Variants in KIF3B observed in about 807,000 individuals in gnomAD.
KIF3B encodes the protein kinesin family member 3B, also known as kinesin-like protein KIF3B.
In KIF3B, 38 loss-of-function variants were observed where a neutral mutation model predicts 74.3. The ratio of observed to expected loss-of-function variants is 0.51; its 90% CI spans 0.39 to 0.67. The LOEUF is 0.67. Among genes scored for constraint, KIF3B ranks in the 30% least tolerant of loss-of-function variants. The probability of loss-of-function intolerance (pLI) is 0.00; values close to 1 mark genes in which losing one functional copy is unlikely to be tolerated. For missense variants in KIF3B, 649 were observed against 932.0 expected (o/e 0.70, Z 3.95); for synonymous variants, 326 against 342.5 (o/e 0.95, Z 0.53).
intron 5 of KIF3B, among the ~76,000 whole-genome samples, chr20:32,323,115 T>C (rs1396499555): frequency 8.0e-6 from 1 of 124,966 alleles, no homozygotes; most frequent in Non-Finnish European, 1.6e-5. Context: ...TATATATTTA[T>C]ATATTTATAT....
Position 32,330,337 on chromosome 20 carries a change from C to A in KIF3B, c.2147+18C>A. The A allele has an allele frequency of 6.2e-7, 1 of 1,609,582 alleles. No individual in the cohort carries two copies. Among genetic ancestry groups the A allele is most frequent in the East Asian group, 2.2e-5 (1 of 44,794 alleles). On this transcript the variant is annotated intron_variant, in intron 8 of 8. Coordinates refer to ENST00000375712, the MANE Select transcript of KIF3B (RefSeq NM_004798.4). ...AAGGCCAGGTGAGTGGCTTTGATGA[C>A]GTGTGTTTAAACAGAACATGTTTGA... is the stretch of plus-strand genomic sequence containing the variant.
At chr20:32,319,588 T>TG (rs2047848414) in intron 5 of KIF3B, among the ~76,000 whole-genome samples, 1 of 139,790 alleles carries the variant, frequency 7.2e-6, no homozygotes, top group African/African-American at 2.7e-5. Flanking sequence ...TTTTGTTTTT[T>TG]TTTTTTTTTT....
At chr20:32,319,066 T>A (rs2047843557) in intron 5 of KIF3B, among the ~76,000 whole-genome samples, 1 of 151,862 alleles carries the variant, frequency 6.6e-6, no homozygotes, top group Non-Finnish European at 1.5e-5. Context: ...GCTCAAGCGA[T>A]CCTCCCACCT....
Position 32,287,949 on chromosome 20 carries a change from C to G in KIF3B, c.-66+10184C>G, listed in dbSNP as rs1230316449. 3.3e-5 allele frequency among the ~76,000 whole-genome samples: 4 copies of G among 123,050 alleles called. No individual in the cohort carries two copies. In the East Asian group the frequency reaches 1.1e-3, roughly 35 times the overall value. 80.7% of individuals were successfully genotyped at this position (123,050 alleles called of 152,430 possible). A position where few individuals can be genotyped will look rare whatever the true frequency, so the allele number is the denominator to read the frequency against. On this transcript the variant is annotated intron_variant, in intron 1 of 8. Coordinates refer to ENST00000375712, the MANE Select transcript of KIF3B (RefSeq NM_004798.4). ...CTAGGCTGGAGTGCAGTGGTGCAGTCTCAGCTCACTGCAACCTCCGCCTCC... is the reference window on the plus strand; with the variant it reads ...CTAGGCTGGAGTGCAGTGGTGCAGTGTCAGCTCACTGCAACCTCCGCCTCC...
chr20:32,305,547 A>G (rs1417333323), intron 1 of KIF3B, among the ~76,000 whole-genome samples: 1 of 137,550 alleles, frequency 7.3e-6, no homozygotes, highest in African/African-American at 2.7e-5. Context: ...TTTTTACTTT[A>G]TAAAATTTTA....
At chr20:32,308,432 A>G (rs2047783130) in intron 1 of KIF3B, among the ~76,000 whole-genome samples, 1 of 152,120 alleles carries the variant, frequency 6.6e-6, no homozygotes, top group Non-Finnish European at 1.5e-5. Context: ...TTATTTTGAA[A>G]CAGAGTCTTG....
chr20:32,326,987 G>C (rs1600439963), intron 6 of KIF3B, 103 bp downstream of exon 6: 2 of 645,730 alleles, frequency 3.1e-6, no homozygotes, highest in East Asian at 5.2e-5. Flanking sequence ...TAAGAACACA[G>C]TTTGGCTTAT....
intron 2 of KIF3B, among the ~76,000 whole-genome samples, chr20:32,315,623 G>A (rs2047823096): frequency 6.6e-6 from 1 of 152,158 alleles, no homozygotes; most frequent in South Asian, 2.1e-4. Context: ...TGAGGTGGGA[G>A]GATTGCTTGA....
intron 7 of KIF3B, 65 bp from the exon 8 acceptor site, chr20:32,330,076 G>A (rs1338940474): frequency 1.4e-6 from 2 of 1,439,020 alleles, no homozygotes; most frequent in South Asian, 1.4e-5. Context: ...AGGGGCCCTC[G>A]ATTGCTTGTA....
chr20:32,321,969 A>C (rs891371371), intron 5 of KIF3B, among the ~76,000 whole-genome samples: 7 of 152,184 alleles, frequency 4.6e-5, no homozygotes, highest in African/African-American at 1.7e-4. Flanking sequence ...TTATTGGAGT[A>C]GTCTGGAACC....
chr20:32,298,337 T>C (rs1234280775), intron 1 of KIF3B, among the ~76,000 whole-genome samples: 2 of 148,816 alleles, frequency 1.3e-5, no homozygotes, highest in South Asian at 2.1e-4. Flanking sequence ...CTCAGGAGGC[T>C]GAGGCGGAAA....
intron 2 of KIF3B, among the ~76,000 whole-genome samples, chr20:32,312,666 T>TA (rs1163774338): frequency 1.3e-5 from 2 of 152,194 alleles, no homozygotes; most frequent in Non-Finnish European, 2.9e-5. Flanking sequence ...GGTTCACTCA[T>TA]TATTACTGTT....
chr20:32,326,800 TG>T lies in KIF3B; in HGVS notation c.1780del (p.Glu594LysfsTer7). 1 of 1,549,630 alleles carries T rather than the reference TG, an allele frequency of 6.5e-7. No homozygotes were observed. On this transcript the variant is annotated frameshift_variant, in exon 6 of 9. Coordinates refer to ENST00000375712, the MANE Select transcript of KIF3B (RefSeq NM_004798.4). LOFTEE classifies it high-confidence loss of function. ...KHLIIENFIP[L>X]EEKSKIMNRA... Reference sequence around the variant, plus strand: ...CTTATTATAGAAAACTTTATCCCTCTGGAAGAAAAAAGTAAAATTATGAATA... The same window carrying T: ...CTTATTATAGAAAACTTTATCCCTCTGAAGAAAAAAGTAAAATTATGAATA...
At chr20:32,287,986 G>A (rs1290029568) in intron 1 of KIF3B, among the ~76,000 whole-genome samples, 3 of 141,064 alleles carry the variant, frequency 2.1e-5, no homozygotes, top group African/African-American at 7.9e-5. Flanking sequence ...GGGTTCAAGT[G>A]ATTCTCCTGC....
intron 5 of KIF3B, among the ~76,000 whole-genome samples, chr20:32,322,072 A>G (rs2047862615): frequency 6.6e-6 from 1 of 152,182 alleles, no homozygotes; most frequent in African/African-American, 2.4e-5. Flanking sequence ...GATATTGATC[A>G]CATTGAATCT....
rs1349297960 is a variant in KIF3B at position 32,324,901 on chromosome 20, T to C, written c.1749-1870T>C. ...AAAAAATTAGCTGGGCATGGAGACA[T>C]GTGTCTATAGTCTCAGCTACTCCGG... On this transcript the variant is annotated intron_variant, in intron 5 of 8. Coordinates refer to ENST00000375712, the MANE Select transcript of KIF3B (RefSeq NM_004798.4). 2.0e-5 allele frequency among the ~76,000 whole-genome samples: 3 copies of C among 152,036 alleles called. No individual in the cohort carries two copies. The East Asian group carries it at 5.8e-4, about 29-fold the overall frequency.
Position 32,300,074 on chromosome 20 carries a change from CTGTTTTGTTTTGTTTTGTTT to C in KIF3B, c.-65-9613_-65-9594del, listed in dbSNP as rs59811144. Among the ~76,000 whole-genome samples the C allele has an allele frequency of 1.0e-3, 152 of 149,612 alleles. 1 individual carries two copies. The highest frequency in any genetic ancestry group is 1.5e-3 in the African/African-American group (61 of 40,348). On this transcript the variant is annotated intron_variant, in intron 1 of 8. Transcript: ENST00000375712. ...TATAGGTGAGAGCCGCCACACTGGC[CTGTTTTGTTTTGTTTTGTTT>C]TGTTTTGTTTTGTTTTGTTTTGTTT... is the stretch of plus-strand genomic sequence containing the variant.
At position 32,331,341 on chromosome 20, in the gene KIF3B, G is replaced by C; in HGVS notation, c.*22G>C. On this transcript the variant is annotated 3_prime_UTR_variant, in exon 9 of 9. Transcript: ENST00000375712. Reference sequence around the variant, plus strand: ...GTAAAGCCAGCTTCTCCTCTCCCAGGGCGGAAACAGCATTTGCCTTCTGAG... The same window carrying C: ...GTAAAGCCAGCTTCTCCTCTCCCAGCGCGGAAACAGCATTTGCCTTCTGAG... 6.4e-7 allele frequency: 1 copy of C among 1,573,976 alleles called. No individual in the cohort carries two copies. The highest frequency in any genetic ancestry group is 8.7e-7 in the Non-Finnish European group (1 of 1,152,210).
intron 2 of KIF3B, among the ~76,000 whole-genome samples, chr20:32,312,141 A>T (rs1280763084): frequency 7.8e-6 from 1 of 127,404 alleles, no homozygotes; most frequent in Non-Finnish European, 1.6e-5. Context: ...TTGAGACAGG[A>T]TCTTGCTCTG....
Sources: gnomAD v4.1 joint callset for allele counts (sites outside exome capture counted in the v4.1 genomes callset) on GRCh38, gnomAD v4.1.1 for gene constraint, MANE v1.5 for transcripts, NCBI Gene and HGNC (gene_info 2026-07-23, HGNC 2026-07-21) for gene names.